The following ATP11C variants were observed in gnomAD, a reference collection of about 807,000 sequenced individuals.
The protein encoded by ATP11C is ATPase phospholipid transporting 11C (ATP11C blood group).
ATP11C carries 36 observed loss-of-function variants against 97.4 expected under a neutral mutation model. The ratio of observed to expected loss-of-function variants is 0.37; its 90% CI spans 0.28 to 0.49. The LOEUF (loss-of-function observed/expected upper bound fraction) is 0.49. Ranked by LOEUF, ATP11C falls within the 20% of genes least tolerant of loss-of-function variation. The pLI, the probability that ATP11C is intolerant of heterozygous loss-of-function variation, is 0.98. For synonymous variants in ATP11C, 275 were observed against 290.9 expected (o/e 0.95, Z 0.56); for missense variants, 730 against 824.6 (o/e 0.89, Z 1.40).
chrX:139,733,887 T>C (rs1479021277), intron 28 of ATP11C, among the ~76,000 whole-genome samples: 1 of 110,986 alleles, frequency 9.0e-6, no homozygotes, highest in Non-Finnish European at 1.9e-5. Context: ...ATAAAGGAAA[T>C]GAAAGTACAG....
At position 139,866,343 on chromosome X, in the gene ATP11C, CAAA is replaced by C. The variant is rs57250412; in HGVS notation, c.28-39523_28-39521del. Among the ~76,000 whole-genome samples the C allele has an allele frequency of 5.6e-3, 154 of 27,539 alleles. 1 individual carries two copies. The highest frequency in any genetic ancestry group is 0.011 in the African/African-American group (134 of 12,749). The allele number at this position is 27,539 out of a possible 115,157, so 23.9% of individuals were successfully genotyped here. A position where few individuals can be genotyped will look rare whatever the true frequency, so the allele number is the denominator to read the frequency against. On this transcript the variant is annotated intron_variant, in intron 1 of 29. Coordinates refer to ENST00000682941, the MANE Select transcript of ATP11C (RefSeq NM_001353812.2). ...TGGGTGACAGAGAAAGACTCTGTCTCAAAAAAAAAAAAAAAAAAAAAAAACAGA... is the reference window on the plus strand; with the variant it reads ...TGGGTGACAGAGAAAGACTCTGTCTCAAAAAAAAAAAAAAAAAAAAACAGA...
chrX:139,931,943 T>G, intron 1 of ATP11C, 73 bp downstream of exon 1: 1 of 1,093,257 alleles, frequency 9.1e-7, no homozygotes, highest in South Asian at 2.2e-5. Context: ...CAGAAAATTG[T>G]TGTGAGGGAC....
rs768953983 is a variant in ATP11C at position 139,741,603 on chromosome X, G to A, written c.3031-509C>T. 2.7e-5 allele frequency among the ~76,000 whole-genome samples: 3 copies of A among 111,620 alleles called. No individual in the cohort carries two copies. The East Asian group carries it at 8.5e-4, about 32-fold the overall frequency. On this transcript the variant is annotated intron_variant, in intron 26 of 29. Transcript: ENST00000682941. Reference sequence around the variant, plus strand: ...ACAGACGGGAGTCACTAAATGCAAAGGCTCTATACATCTAACATCATGTAG... The same window carrying A: ...ACAGACGGGAGTCACTAAATGCAAAAGCTCTATACATCTAACATCATGTAG...
chrX:139,781,076 C>T (rs1004701714), intron 18 of ATP11C, among the ~76,000 whole-genome samples: 1 of 110,727 alleles, frequency 9.0e-6, no homozygotes, highest in Admixed American at 9.6e-5. Context: ...GAATGTATAA[C>T]CCCGACCCAC....
chrX:139,901,051 G>A (rs1051872723), intron 1 of ATP11C, among the ~76,000 whole-genome samples: 5 of 111,707 alleles, frequency 4.5e-5, no homozygotes, highest in African/African-American at 1.6e-4. Flanking sequence ...ATTACATGCA[G>A]TTTTTCTAAC....
At chrX:139,846,216 T>C (rs765513315) in intron 1 of ATP11C, among the ~76,000 whole-genome samples, 1 of 112,364 alleles carries the variant, frequency 8.9e-6, no homozygotes, top group African/African-American at 3.2e-5. Context: ...ATTTTACTAA[T>C]GTCCAGTTGT....
rs1161822271 is a variant in ATP11C at position 139,827,256 on chromosome X, C to T, written c.28-433G>A. Reference sequence around the variant, plus strand: ...AACTACCTTACTAGAGAACAGAAAGCATAATGCAGATTACTTCTAAACACA... The same window carrying T: ...AACTACCTTACTAGAGAACAGAAAGTATAATGCAGATTACTTCTAAACACA... On this transcript the variant is annotated intron_variant, in intron 1 of 29. Coordinates refer to ENST00000682941, the MANE Select transcript of ATP11C (RefSeq NM_001353812.2). 2.7e-5 allele frequency among the ~76,000 whole-genome samples: 3 copies of T among 112,136 alleles called. No homozygotes were observed. In the Admixed American group the frequency reaches 2.8e-4, roughly 11 times the overall value.
rs1030867443 is a variant in ATP11C, at chrX:139,835,683, C to T, written c.28-8860G>A. On this transcript the variant is annotated intron_variant, in intron 1 of 29. Transcript: ENST00000682941. Reference sequence around the variant, plus strand: ...GCCTCCCAAAGTGCTGGGATTACAGCCGTGAGCCACCGCACCCAGCTAGTG... The same window carrying T: ...GCCTCCCAAAGTGCTGGGATTACAGTCGTGAGCCACCGCACCCAGCTAGTG... Among the ~76,000 whole-genome samples, 16 of 107,837 alleles carry T rather than the reference C, an allele frequency of 1.5e-4. No individual in the cohort carries two copies. In the East Asian group the frequency reaches 1.5e-3, roughly 10 times the overall value. 93.6% of individuals were successfully genotyped at this position (107,837 alleles called of 115,157 possible).
chrX:139,872,077 G>GT (rs1188457717), intron 1 of ATP11C, among the ~76,000 whole-genome samples: 2 of 110,786 alleles, frequency 1.8e-5, no homozygotes, highest in Non-Finnish European at 3.8e-5. Flanking sequence ...CACAATTCAG[G>GT]TATTTTAAGA....
intron 1 of ATP11C, among the ~76,000 whole-genome samples, chrX:139,876,602 ATTTCT>A (rs113979497): frequency 2.3e-4 from 26 of 112,028 alleles, no homozygotes; most frequent in African/African-American, 8.4e-4. Flanking sequence ...TCCCTAACAC[ATTTCT>A]TTATTTATAA....
intron 1 of ATP11C, among the ~76,000 whole-genome samples, chrX:139,866,880 C>T (rs1247464915): frequency 9.0e-6 from 1 of 110,734 alleles, no homozygotes; most frequent in African/African-American, 3.3e-5. Flanking sequence ...CTCAGGAATT[C>T]GAGACCAGCC....
rs1323399487 is a variant in ATP11C at position 139,774,936 on chromosome X, G to C, written c.1970C>G (p.Ala657Gly). 1 of 1,204,906 alleles carries C rather than the reference G, an allele frequency of 8.3e-7. No homozygotes were observed. The highest frequency in any genetic ancestry group is 1.1e-6 in the Non-Finnish European group (1 of 892,231). Reference protein sequence around the residue: ...AVEDKLQDQAAETIEALHAAG... With the variant: ...AVEDKLQDQAGETIEALHAAG... ...TGCATGCAGAGCTTCAATGGTCTCT[G>C]CAGCTTGATCTTGTAGCCTGGGAAC... The change falls in exon 19 of 30, where the codon GCA becomes GGA. Residue 657 changes from alanine to glycine, a missense_variant. Ala to Gly is a moderately conservative substitution (Grantham distance 60, BLOSUM62 0). Transcript: ENST00000682941.
chrX:139,789,265 T>C, intron 13 of ATP11C, 62 bp downstream of exon 13: 2 of 917,365 alleles, frequency 2.2e-6, no homozygotes, highest in Admixed American at 3.2e-5. Context: ...TATTTTCTAC[T>C]ATGGAATGTT....
chrX:139,893,620 T>A (rs1253795082), intron 1 of ATP11C, among the ~76,000 whole-genome samples: 2 of 111,216 alleles, frequency 1.8e-5, no homozygotes, highest in African/African-American at 6.5e-5. Context: ...GCTACTCTTA[T>A]TTCCCATTCT....
chrX:139,853,290 A>G (rs2084031080), intron 1 of ATP11C, among the ~76,000 whole-genome samples: 1 of 109,413 alleles, frequency 9.1e-6, no homozygotes, highest in African/African-American at 3.3e-5. Flanking sequence ...AGAGACAGAG[A>G]CAGAGACAGA....
chrX:139,787,090 T>C (rs944688035), intron 15 of ATP11C, 83 bp downstream of exon 15: 7 of 1,168,926 alleles, frequency 6.0e-6, no homozygotes, highest in South Asian at 1.9e-5. Context: ...AGTGGCATCA[T>C]TTCCTTTGCT....
At chrX:139,915,351 A>G (rs994246392) in intron 1 of ATP11C, among the ~76,000 whole-genome samples, 5 of 111,961 alleles carry the variant, frequency 4.5e-5, no homozygotes, top group Non-Finnish European at 9.4e-5. Flanking sequence ...TTTGAAAAAC[A>G]CATAGACAAA....
chrX:139,780,701 T>C (rs2082437276), intron 18 of ATP11C, among the ~76,000 whole-genome samples: 1 of 111,812 alleles, frequency 8.9e-6, no homozygotes, highest in African/African-American at 3.3e-5. Context: ...CTGGAAGTCC[T>C]AGCCAGAGCA....
intron 2 of ATP11C, among the ~76,000 whole-genome samples, chrX:139,819,991 G>T (rs962215325): frequency 8.1e-5 from 9 of 111,778 alleles, no homozygotes; most frequent in African/African-American, 2.9e-4. Flanking sequence ...TTTGAGACCA[G>T]CCTGGCCAAC....
Sources: gnomAD v4.1 joint callset for allele counts (sites outside exome capture counted in the v4.1 genomes callset) on GRCh38, gnomAD v4.1.1 for gene constraint, MANE v1.5 for transcripts, NCBI Gene and HGNC (gene_info 2026-07-23, HGNC 2026-07-21) for gene names.